TFDP1: variants seen among roughly 807,000 people sequenced by gnomAD.
TFDP1 encodes DRTF1-polypeptide 1.
In TFDP1, 6 loss-of-function variants were observed where a neutral mutation model predicts 48.0. The observed-to-expected ratio is 0.13, with a 90% CI of 0.07 to 0.25. The LOEUF (loss-of-function observed/expected upper bound fraction) is 0.25. Ranked by LOEUF, TFDP1 falls within the 10% of genes least tolerant of loss-of-function variation. TFDP1 has a pLI of 1.00. For missense variants in TFDP1, 335 were observed against 543.0 expected, an observed-to-expected ratio of 0.62 and a Z score of 3.81; for synonymous variants, 201 against 211.6, an observed-to-expected ratio of 0.95 and a Z score of 0.44.
intron 2 of TFDP1, among the ~76,000 whole-genome samples, chr13:113,606,349 C>G (rs775995354): frequency 1.3e-5 from 2 of 152,146 alleles, no homozygotes; most frequent in Non-Finnish European, 2.9e-5. Flanking sequence ...GCTCACAGCT[C>G]GGGAGCCTGG....
At position 113,602,570 on chromosome 13, in the gene TFDP1, C is replaced by T. The variant is rs75641565; in HGVS notation, c.13-8426C>T. On this transcript the variant is annotated intron_variant, in intron 2 of 11. Transcript: ENST00000375370. ...GGGGTCTGGCGCAGGCCACTCCAGTCCTCAGGGGGATCCCTCAGTGCAGCT... is the reference window on the plus strand; with the variant it reads ...GGGGTCTGGCGCAGGCCACTCCAGTTCTCAGGGGGATCCCTCAGTGCAGCT... Among the ~76,000 whole-genome samples, 649 of 152,316 alleles carry T rather than the reference C, an allele frequency of 4.3e-3. 29 individuals are homozygous for T. The East Asian group carries it at 0.1, about 24-fold the overall frequency.
At chr13:113,616,226 AGTGT>A (rs1471656531) in intron 3 of TFDP1, among the ~76,000 whole-genome samples, 1 of 147,572 alleles carries the variant, frequency 6.8e-6, no homozygotes, top group African/African-American at 2.5e-5. Context: ...AAAAAGAGTA[AGTGT>A]GTAAGTGTAC....
rs757860849 is a variant in TFDP1, at chr13:113,633,242, C to T, written c.431C>T (p.Ala144Val). 1.2e-6 allele frequency: 2 copies of T among 1,613,954 alleles called. No individual in the cohort carries two copies. ...AACGAAGTGGCAGACGAGCTGGTTG[C>T]GGAGTTCAGTGCTGCCGACAACCAC... ...SYNEVADELVAEFSAADNHIL... is the reference protein window; with the variant it reads ...SYNEVADELVVEFSAADNHIL... Residue 144 changes from alanine to valine, a missense_variant, in exon 6 of 12, where the codon GCG becomes GTG. Physicochemically the swap from Ala to Val is moderately conservative, Grantham distance 64. Around this residue, in one of 3 missense-constraint regions of TFDP1, gnomAD observed 28 missense variants for 115.5 expected, o/e 0.24. Transcript: ENST00000375370. This position sits in a 1 kb window ranked among gnomAD's most constrained non-coding sequence, Gnocchi z 4.5.
intron 4 of TFDP1, among the ~76,000 whole-genome samples, chr13:113,628,121 G>A (rs2049233320): frequency 6.6e-6 from 1 of 152,126 alleles, no homozygotes; most frequent in African/African-American, 2.4e-5. Flanking sequence ...TAAAGACTGT[G>A]TCTGAAGCTG....
At chr13:113,637,661 C>G in intron 10 of TFDP1, 157 bp from the exon 11 acceptor site, 1 of 1,541,674 alleles carries the variant, frequency 6.5e-7, no homozygotes, top group Non-Finnish European at 8.7e-7. Context: ...ATGTCCTGCT[C>G]CGTGGCGCAG....
chr13:113,639,865 G>A (rs924802055), intron 11 of TFDP1, among the ~76,000 whole-genome samples: 64 of 152,212 alleles, frequency 4.2e-4, no homozygotes, highest in African/African-American at 1.5e-3. Context: ...GGCAGCGTGT[G>A]GCTCTGCTCA....
chr13:113,635,807 T>C (rs1482827710), intron 8 of TFDP1, among the ~76,000 whole-genome samples, 170 bp from the exon 9 acceptor site: 1 of 152,238 alleles, frequency 6.6e-6, no homozygotes, highest in East Asian at 1.9e-4. Context: ...TGAGCGCTTT[T>C]CTCCCTGGGC....
intron 3 of TFDP1, among the ~76,000 whole-genome samples, chr13:113,620,335 G>A (rs1410183124): frequency 4.6e-5 from 7 of 152,254 alleles, no homozygotes; most frequent in East Asian, 1.9e-4. Flanking sequence ...GCTGGTGGAC[G>A]GGCGCCGTGG....
intron 3 of TFDP1, among the ~76,000 whole-genome samples, chr13:113,614,092 A>T (rs1355488658): frequency 6.8e-6 from 1 of 147,986 alleles, no homozygotes; most frequent in African/African-American, 2.5e-5. Flanking sequence ...GATGTATGTG[A>T]GTTGTGTGCA....
intron 9 of TFDP1, 60 bp from the exon 10 acceptor site, chr13:113,636,474 C>G: frequency 1.3e-6 from 2 of 1,581,532 alleles, no homozygotes; most frequent in Non-Finnish European, 1.7e-6. Context: ...TGGCTCCACC[C>G]CAGTGTGTAC....
intron 2 of TFDP1, among the ~76,000 whole-genome samples, chr13:113,600,318 G>A (rs902139179): frequency 6.2e-5 from 9 of 144,380 alleles, no homozygotes; most frequent in Admixed American, 2.1e-4. Context: ...ACCCTTGCAC[G>A]TAGGGCTCCA....
chr13:113,633,381 A>G lies in TFDP1; in HGVS notation c.474+96A>G, dbSNP rs887524405. 20 of 838,060 alleles carry G rather than the reference A, an allele frequency of 2.4e-5. No individual in the cohort carries two copies. The highest frequency in any genetic ancestry group is 1.9e-4 in the African/African-American group (11 of 57,662). 51.9% of individuals were successfully genotyped at this position (838,060 alleles called of 1,614,324 possible). Reference sequence around the variant, plus strand: ...ATATCGGGAACAGTTAAAACCATACAGAAAATGCCAAGTACAGCATAAAAG... The same window carrying G: ...ATATCGGGAACAGTTAAAACCATACGGAAAATGCCAAGTACAGCATAAAAG... On this transcript the variant is annotated intron_variant, in intron 6 of 11. Coordinates refer to ENST00000375370, the MANE Select transcript of TFDP1 (RefSeq NM_007111.5). The surrounding 1 kb of genome is among the most constrained non-coding windows in gnomAD (Gnocchi z 4.5).
chr13:113,638,356 G>T (rs2049552920), intron 11 of TFDP1, among the ~76,000 whole-genome samples: 1 of 151,044 alleles, frequency 6.6e-6, no homozygotes, highest in African/African-American at 2.4e-5. Flanking sequence ...TGCGGTCATG[G>T]TGCATGTGTT....
At position 113,623,628 on chromosome 13, in the gene TFDP1, G is replaced by A. The variant is rs1246373077; in HGVS notation, c.186+342G>A. Among the ~76,000 whole-genome samples, 1 of 152,210 alleles carries A rather than the reference G, an allele frequency of 6.6e-6. No individual in the cohort carries two copies. Among genetic ancestry groups the A allele is most frequent in the African/African-American group, 2.4e-5 (1 of 41,436 alleles). ...GCTCGAAGCTCTTCATCTAACAGGGGCTTCTTACGTGATGTGGCCGAGCGT... is the reference window on the plus strand; with the variant it reads ...GCTCGAAGCTCTTCATCTAACAGGGACTTCTTACGTGATGTGGCCGAGCGT... On this transcript the variant is annotated intron_variant, in intron 4 of 11. Coordinates refer to ENST00000375370, the MANE Select transcript of TFDP1 (RefSeq NM_007111.5). The surrounding 1 kb of genome is among the most constrained non-coding windows in gnomAD (Gnocchi z 5.2).
intron 2 of TFDP1, among the ~76,000 whole-genome samples, chr13:113,588,153 C>G (rs961094081): frequency 2.0e-5 from 3 of 152,226 alleles, no homozygotes; most frequent in African/African-American, 7.2e-5. Context: ...CCCAGCCCAC[C>G]AGTTAGGTTT....
intron 2 of TFDP1, among the ~76,000 whole-genome samples, chr13:113,602,622 A>G (rs2048466424): frequency 6.6e-6 from 1 of 152,232 alleles, no homozygotes; most frequent in Admixed American, 6.5e-5. Context: ...AGCTCTGCTT[A>G]CTTTTGAAAT....
rs553857896 is a variant in TFDP1, at chr13:113,623,897, G to A, written c.186+611G>A. Reference sequence around the variant, plus strand: ...CGTGTCCGCCCTCTGCGTCCTTGCCGGTGGCAGCCTACTGGAGACAGGGAG... The same window carrying A: ...CGTGTCCGCCCTCTGCGTCCTTGCCAGTGGCAGCCTACTGGAGACAGGGAG... On this transcript the variant is annotated intron_variant, in intron 4 of 11. Coordinates refer to ENST00000375370, the MANE Select transcript of TFDP1 (RefSeq NM_007111.5). This position sits in a 1 kb window ranked among gnomAD's most constrained non-coding sequence, Gnocchi z 5.2. 3.9e-5 allele frequency among the ~76,000 whole-genome samples: 6 copies of A among 152,278 alleles called. No individual in the cohort carries two copies. In the South Asian group the frequency reaches 6.2e-4, roughly 16 times the overall value.
chr13:113,586,524 C>T (rs1300554835), intron 2 of TFDP1, among the ~76,000 whole-genome samples: 1 of 152,208 alleles, frequency 6.6e-6, no homozygotes, highest in Non-Finnish European at 1.5e-5. Context: ...GTCACTGAAA[C>T]ACCAGCTGGA....
At position 113,632,316 on chromosome 13, in the gene TFDP1, G is replaced by T. The variant is rs4150779; in HGVS notation, c.308+572G>T. Among the ~76,000 whole-genome samples the T allele has an allele frequency of 8.7e-3, 1,322 of 152,366 alleles. 14 individuals are homozygous for T. Among genetic ancestry groups the T allele is most frequent in the Non-Finnish European group, 0.015 (1,009 of 68,042 alleles). ...CAGGTGGCCTTTCCCGCCATGTGGGGACTGACCAGAGTGTACAGAGTTGGG... is the reference window on the plus strand; with the variant it reads ...CAGGTGGCCTTTCCCGCCATGTGGGTACTGACCAGAGTGTACAGAGTTGGG... On this transcript the variant is annotated intron_variant, in intron 5 of 11. Transcript: ENST00000375370.
Sources: allele counts gnomAD v4.1 joint callset (sites outside exome capture counted in the v4.1 genomes callset), GRCh38; gene constraint gnomAD v4.1.1; regional missense constraint gnomAD v4.1.1; non-coding constraint Gnocchi (gnomAD v3.1); transcripts MANE v1.5; gene names NCBI Gene and HGNC (gene_info 2026-07-23, HGNC 2026-07-21).